Variants in CATSPERT observed in about 807,000 individuals in gnomAD.
CATSPERT encodes the protein catsper channel auxiliary subunit tau.
At chr2:201,527,929 A>G in the CATSPERT span, among the ~76,000 whole-genome samples, 2 of 152,126 alleles carry the variant, frequency 1.3e-5, no homozygotes, top group Non-Finnish European at 2.9e-5. Context: ...AAAACTAAAG[A>G]GCTTCTGCAC....
chr2:201,607,705 T>A, the CATSPERT span, among the ~76,000 whole-genome samples: 1 of 152,226 alleles, frequency 6.6e-6, no homozygotes, highest in Non-Finnish European at 1.5e-5. Flanking sequence ...TGGTATATGG[T>A]AATCAATACT....
chr2:201,504,010 G>T, the CATSPERT span, among the ~76,000 whole-genome samples: 1 of 152,188 alleles, frequency 6.6e-6, no homozygotes, highest in East Asian at 1.9e-4. Context: ...GAAGTCCTGT[G>T]TGAGTACCTA....
chr2:201,545,988 G>C, the CATSPERT span, among the ~76,000 whole-genome samples: 2 of 152,110 alleles, frequency 1.3e-5, no homozygotes, highest in South Asian at 2.1e-4. Context: ...TTTTTTATTA[G>C]AATACATTAT....
chr2:201,567,937 G>T, the CATSPERT span, among the ~76,000 whole-genome samples: 1 of 152,156 alleles, frequency 6.6e-6, no homozygotes, highest in Non-Finnish European at 1.5e-5. Flanking sequence ...CTTGTTCTGG[G>T]CCCCACTCAA....
At chr2:201,567,349 C>T in the CATSPERT span, among the ~76,000 whole-genome samples, 2 of 152,046 alleles carry the variant, frequency 1.3e-5, no homozygotes, top group African/African-American at 2.4e-5. Context: ...TTATATTAGT[C>T]AGGGTTGTCC....
chr2:201,526,357 A>AAGT, the CATSPERT span, among the ~76,000 whole-genome samples: 1 of 152,088 alleles, frequency 6.6e-6, no homozygotes, highest in Non-Finnish European at 1.5e-5. Flanking sequence ...GTCTCTACTA[A>AAGT]AAATACAAAA....
At chr2:201,574,117 A>C in the CATSPERT span, 3 of 860,282 alleles carry the variant, frequency 3.5e-6, no homozygotes, top group Non-Finnish European at 5.1e-6. Context: ...TATTTATTTT[A>C]AACAATTGTT....
chr2:201,567,667 T>A, the CATSPERT span, among the ~76,000 whole-genome samples: 1 of 152,244 alleles, frequency 6.6e-6, no homozygotes, highest in Non-Finnish European at 1.5e-5. Context: ...GAATTCTCTC[T>A]TACCCCAGGG....
At chr2:201,566,161 T>C in the CATSPERT span, among the ~76,000 whole-genome samples, 1 of 152,040 alleles carries the variant, frequency 6.6e-6, no homozygotes, top group Non-Finnish European at 1.5e-5. Flanking sequence ...CCCAGACCTC[T>C]CTCCAAATCT....
At chr2:201,602,858 C>A in the CATSPERT span, among the ~76,000 whole-genome samples, 1 of 152,044 alleles carries the variant, frequency 6.6e-6, no homozygotes, top group African/African-American at 2.4e-5. Flanking sequence ...TAATATATTA[C>A]TGTGATATAT....
At chr2:201,525,808 AC>A in the CATSPERT span, among the ~76,000 whole-genome samples, 1 of 152,194 alleles carries the variant, frequency 6.6e-6, no homozygotes, top group East Asian at 1.9e-4. Flanking sequence ...CCACAGAAAT[AC>A]AAAAAACCTT....
the CATSPERT span, among the ~76,000 whole-genome samples, chr2:201,588,934 C>A: frequency 6.6e-6 from 1 of 152,024 alleles, no homozygotes; most frequent in Non-Finnish European, 1.5e-5. Flanking sequence ...AATCAATGTG[C>A]AAAAATCACT....
chr2:201,562,927 A>T, the CATSPERT span, among the ~76,000 whole-genome samples: 2 of 149,210 alleles, frequency 1.3e-5, no homozygotes, highest in African/African-American at 5.0e-5. Flanking sequence ...TTCTACACAG[A>T]CACCGCAACC....
chr2:201,573,696 G>A, the CATSPERT span, among the ~76,000 whole-genome samples: 9 of 151,936 alleles, frequency 5.9e-5, no homozygotes, highest in South Asian at 2.1e-4. Context: ...TCAGTCTATC[G>A]CCCAGGCTGG....
the CATSPERT span, chr2:201,550,997 T>C: frequency 1.3e-5 from 2 of 152,144 alleles, no homozygotes; most frequent in African/African-American, 4.8e-5. Flanking sequence ...ACAGCCAGTA[T>C]TACAGCTGTC....
the CATSPERT span, chr2:201,535,840 C>T: frequency 6.8e-7 from 1 of 1,472,134 alleles, no homozygotes; most frequent in Non-Finnish European, 8.9e-7. Context: ...ACACCTTGAG[C>T]TCAAGGCCTT....
the CATSPERT span, among the ~76,000 whole-genome samples, chr2:201,615,133 A>G: frequency 1.3e-5 from 2 of 152,196 alleles, no homozygotes; most frequent in Admixed American, 1.3e-4. Context: ...CACTGTCAAC[A>G]TTAGACAGAT....
chr2:201,518,819 T>A, the CATSPERT span, among the ~76,000 whole-genome samples: 10 of 152,318 alleles, frequency 6.6e-5, no homozygotes, highest in East Asian at 1.5e-3. Flanking sequence ...TGCCTTTAGG[T>A]CCTTAATGAA....
chr2:201,497,958 T>C, the CATSPERT span, among the ~76,000 whole-genome samples: 1 of 151,994 alleles, frequency 6.6e-6, no homozygotes. Flanking sequence ...ACAGAAAATA[T>C]GAGAGCAGAT....
Sources: allele counts gnomAD v4.1 joint callset (sites outside exome capture counted in the v4.1 genomes callset), GRCh38; gene constraint gnomAD v4.1.1; transcripts MANE v1.5; gene names NCBI Gene and HGNC (gene_info 2026-07-23, HGNC 2026-07-21).